Variants in CHN1 observed in about 807,000 individuals in gnomAD.
The protein encoded by CHN1 is N-chimaerin.
Under a neutral mutation model 59.5 loss-of-function variants are expected in CHN1, and 37 were observed. The ratio of observed to expected loss-of-function variants is 0.62; its 90% CI spans 0.48 to 0.82. The LOEUF (loss-of-function observed/expected upper bound fraction) is 0.82, where lower values mean the gene tolerates loss of function less well. Among genes scored for constraint, CHN1 ranks in the 40% least tolerant of loss-of-function variants. CHN1 has a pLI of 0.00. For synonymous variants in CHN1, 206 were observed against 200.4 expected, an observed-to-expected ratio of 1.03 and a Z score of -0.24; for missense variants, 469 against 571.0, an observed-to-expected ratio of 0.82 and a Z score of 1.82.
At chr2:174,946,729 T>A (rs552194864) in intron 2 of CHN1, among the ~76,000 whole-genome samples, 18 of 152,010 alleles carry the variant, frequency 1.2e-4, no homozygotes, top group African/African-American at 4.3e-4. Context: ...TAAATCTCCA[T>A]CCTCCTTAAA....
intron 3 of CHN1, among the ~76,000 whole-genome samples, chr2:174,923,854 TA>T (rs2105379439): frequency 6.6e-6 from 1 of 152,346 alleles, no homozygotes; most frequent in South Asian, 2.1e-4. Flanking sequence ...TTACCCAAAA[TA>T]ATTTTGAATT....
intron 8 of CHN1, among the ~76,000 whole-genome samples, chr2:174,820,327 C>T (rs1685441139): frequency 6.6e-6 from 1 of 152,162 alleles, no homozygotes; most frequent in Non-Finnish European, 1.5e-5. Context: ...CTCTCCAGCA[C>T]CTGTTGTTTC....
At chr2:174,843,439 A>T (rs556410553) in intron 7 of CHN1, among the ~76,000 whole-genome samples, 9 of 152,042 alleles carry the variant, frequency 5.9e-5, no homozygotes, top group Non-Finnish European at 1.2e-4. Flanking sequence ...GGGTTTCCCC[A>T]TATTGGCTAA....
intron 8 of CHN1, among the ~76,000 whole-genome samples, chr2:174,822,374 T>C (rs1283458503): frequency 3.3e-5 from 5 of 152,208 alleles, no homozygotes; most frequent in Admixed American, 6.5e-5. Flanking sequence ...ACATGATAAA[T>C]GTTCCAAAAC....
In CHN1 at chr2:174,982,260, A is replaced by G. The variant is rs544497961; in HGVS notation, c.19+22634T>C. 4.3e-3 allele frequency among the ~76,000 whole-genome samples: 657 copies of G among 152,288 alleles called. 8 individuals carry two copies. Among genetic ancestry groups the G allele is most frequent in the African/African-American group, 0.014 (600 of 41,568 alleles). ...GTGAATAGTGCCACAATAAACATAC[A>G]TGTGCATGTGTCTTTATAGCAGCAT... On this transcript the variant is annotated intron_variant, in intron 1 of 12. Transcript: ENST00000409900.
At chr2:174,996,285 G>C (rs146913629) in intron 1 of CHN1, among the ~76,000 whole-genome samples, 3 of 152,322 alleles carry the variant, frequency 2.0e-5, no homozygotes, top group Non-Finnish European at 4.4e-5. Flanking sequence ...AACCAGGTCT[G>C]CAATGGCACA....
intron 3 of CHN1, among the ~76,000 whole-genome samples, chr2:174,933,908 T>G (rs1354261277): frequency 1.3e-5 from 2 of 152,164 alleles, no homozygotes; most frequent in African/African-American, 2.4e-5. Flanking sequence ...GATGTGACAG[T>G]GGAAGTTTGT....
chr2:174,974,822 A>G (rs943836777), intron 1 of CHN1, among the ~76,000 whole-genome samples: 2 of 151,902 alleles, frequency 1.3e-5, no homozygotes, highest in African/African-American at 4.8e-5. Flanking sequence ...TAATTTCAGA[A>G]AACTTGAGTT....
At position 174,799,062 on chromosome 2, in the gene CHN1, T is replaced by G. The variant is rs1684632388; in HGVS notation, c.*1054A>C. The stretch of plus-strand genomic sequence containing the variant: ...ATTGTCAGCTCAATGCATGTTGATG[T>G]CATATATTTTTGACAAATCAAATGT... On this transcript the variant is annotated 3_prime_UTR_variant, in exon 13 of 13. Coordinates refer to ENST00000409900, the MANE Select transcript of CHN1 (RefSeq NM_001822.7). 6.6e-6 allele frequency among the ~76,000 whole-genome samples: 1 copy of G among 152,256 alleles called. No homozygotes were observed. The highest frequency in any genetic ancestry group is 1.5e-5 in the Non-Finnish European group (1 of 68,044).
intron 1 of CHN1, among the ~76,000 whole-genome samples, chr2:174,997,833 C>A (rs1691758995): frequency 6.6e-6 from 1 of 151,752 alleles, no homozygotes; most frequent in Admixed American, 6.6e-5. Context: ...AGTTCGAGAC[C>A]AGCCTGGCCA....
chr2:174,884,731 CAT>C (rs748808329), intron 5 of CHN1, among the ~76,000 whole-genome samples: 38 of 152,244 alleles, frequency 2.5e-4, no homozygotes, highest in Middle Eastern at 3.4e-3. Flanking sequence ...TTACGGGACA[CAT>C]ACTGTGATAA....
intron 5 of CHN1, 95 bp from the exon 6 acceptor site, chr2:174,878,223 G>A: frequency 8.9e-7 from 1 of 1,118,374 alleles, no homozygotes; most frequent in East Asian, 2.6e-5. Context: ...CTATCGCTTT[G>A]TTTTGTGTGT....
chr2:174,855,758 T>C (rs1011490681), intron 6 of CHN1, among the ~76,000 whole-genome samples: 8 of 152,158 alleles, frequency 5.3e-5, no homozygotes, highest in African/African-American at 1.2e-4. Flanking sequence ...TAGATGAGAA[T>C]TGTATACTTA....
intron 5 of CHN1, among the ~76,000 whole-genome samples, chr2:174,887,386 A>G (rs1374811146): frequency 6.6e-6 from 1 of 152,138 alleles, no homozygotes; most frequent in African/African-American, 2.4e-5. Flanking sequence ...TACAGAATGT[A>G]TTTCTGTGTT....
At chr2:174,993,430 C>T (rs1007062726) in intron 1 of CHN1, among the ~76,000 whole-genome samples, 1 of 151,964 alleles carries the variant, frequency 6.6e-6, no homozygotes, top group South Asian at 2.1e-4. Context: ...TCCTTTTTCA[C>T]TAGAGATGAA....
chr2:174,853,561 A>G (rs986325625), intron 6 of CHN1, among the ~76,000 whole-genome samples: 1 of 152,224 alleles, frequency 6.6e-6, no homozygotes, highest in African/African-American at 2.4e-5. Flanking sequence ...AATTTAAAAC[A>G]GAACTACCAT....
At chr2:174,895,213 T>TACACACAC (rs374437666) in intron 5 of CHN1, among the ~76,000 whole-genome samples, 1 of 142,422 alleles carries the variant, frequency 7.0e-6, no homozygotes, top group African/African-American at 2.6e-5. Flanking sequence ...TATATATATA[T>TACACACAC]ACACACACAC....
chr2:174,803,610 A>G (rs1256957740), intron 11 of CHN1, among the ~76,000 whole-genome samples: 1 of 152,220 alleles, frequency 6.6e-6, no homozygotes, highest in Non-Finnish European at 1.5e-5. Context: ...GCTGAAGTGC[A>G]GGGGCATGAT....
intron 5 of CHN1, among the ~76,000 whole-genome samples, chr2:174,886,254 T>C (rs544597137): frequency 6.6e-6 from 1 of 152,358 alleles, no homozygotes; most frequent in African/African-American, 2.4e-5. Flanking sequence ...CATTTCCATA[T>C]AAATTACACC....
Sources: gnomAD v4.1 joint callset for allele counts (sites outside exome capture counted in the v4.1 genomes callset) on GRCh38, gnomAD v4.1.1 for gene constraint, MANE v1.5 for transcripts, NCBI Gene and HGNC (gene_info 2026-07-23, HGNC 2026-07-21) for gene names.